Variants in RPS6KB1 observed in about 807,000 individuals in gnomAD.
RPS6KB1 encodes ribosomal protein S6 kinase beta-1.
RPS6KB1 carries 12 observed loss-of-function variants against 70.2 expected under a neutral mutation model. The observed-to-expected ratio is 0.17, with a 90% confidence interval of 0.11 to 0.28. RPS6KB1 has a LOEUF of 0.28. Among genes scored for constraint, RPS6KB1 ranks in the 10% least tolerant of loss-of-function variants. The pLI, the probability that RPS6KB1 is intolerant of heterozygous loss-of-function variation, is 1.00. For missense variants in RPS6KB1, 270 were observed against 646.6 expected, an observed-to-expected ratio of 0.42 and a Z score of 6.32; for synonymous variants, 175 against 211.2, an observed-to-expected ratio of 0.83 and a Z score of 1.49.
At chr17:59,928,530 A>G (rs2043757288) in intron 5 of RPS6KB1, among the ~76,000 whole-genome samples, 1 of 151,920 alleles carries the variant, frequency 6.6e-6, no homozygotes, top group African/African-American at 2.4e-5. Flanking sequence ...TTGTATTTTT[A>G]GTAGAAATGG....
intron 13 of RPS6KB1, among the ~76,000 whole-genome samples, chr17:59,943,664 G>T (rs1425733399): frequency 6.6e-6 from 1 of 151,792 alleles, no homozygotes; most frequent in Non-Finnish European, 1.5e-5. Context: ...GGATCACAAG[G>T]TCAGGAGTTC....
chr17:59,920,500 T>C (rs932783498), intron 4 of RPS6KB1, among the ~76,000 whole-genome samples: 4 of 152,230 alleles, frequency 2.6e-5, no homozygotes, highest in Non-Finnish European at 5.9e-5. Flanking sequence ...ATTTTATTGG[T>C]AATTGTCTTT....
chr17:59,900,126 T>C (rs939683959), intron 1 of RPS6KB1, among the ~76,000 whole-genome samples: 18 of 149,216 alleles, frequency 1.2e-4, no homozygotes, highest in Admixed American at 1.4e-4. Context: ...TGAGCTATTA[T>C]CCTACTACAG....
chr17:59,942,094 A>G (rs1003198350), intron 13 of RPS6KB1, among the ~76,000 whole-genome samples: 12 of 150,874 alleles, frequency 8.0e-5, no homozygotes, highest in Admixed American at 2.6e-4. Flanking sequence ...TCCTGACCTC[A>G]TGATCCGCCC....
rs1257927088 is a variant in RPS6KB1 at position 59,946,103 on chromosome 17, G to A, written c.1341-448G>A. ...AATAGGAGGTATAAGAATGTTGCAGGCAGAAGAACAGCAAATGCAAAAACC... is the reference window on the plus strand; with the variant it reads ...AATAGGAGGTATAAGAATGTTGCAGACAGAAGAACAGCAAATGCAAAAACC... On this transcript the variant is annotated intron_variant, in intron 14 of 14. Coordinates refer to ENST00000225577, the MANE Select transcript of RPS6KB1 (RefSeq NM_003161.4). This position sits in a 1 kb window ranked among gnomAD's most constrained non-coding sequence, Gnocchi z 4.2. 6.6e-6 allele frequency among the ~76,000 whole-genome samples: 1 copy of A among 152,104 alleles called. No homozygotes were observed. The highest frequency in any genetic ancestry group is 1.5e-5 in the Non-Finnish European group (1 of 68,032).
chr17:59,893,210 G>A lies in RPS6KB1; in HGVS notation c.26G>A (p.Gly9Asp). The A allele has an allele frequency of 6.2e-7, 1 of 1,608,760 alleles. No individual in the cohort carries two copies. The highest frequency in any genetic ancestry group is 1.1e-5 in the South Asian group (1 of 90,018). ...ATGAGGCGACGAAGGAGGCGGGACG[G>A]CTTTTACCCAGCCCCGGACTTCCGA... is the stretch of plus-strand genomic sequence containing the variant. MRRRRRRD[G>D]FYPAPDFRDR... The change falls in exon 1 of 15, where the codon GGC becomes GAC. Residue 9 changes from glycine to aspartate, a missense_variant. Coordinates refer to ENST00000225577, the MANE Select transcript of RPS6KB1 (RefSeq NM_003161.4). This position sits in a 1 kb window ranked among gnomAD's most constrained non-coding sequence, Gnocchi z 4.1.
chr17:59,945,248 G>A, intron 13 of RPS6KB1, 158 bp from the exon 14 acceptor site: 1 of 502,346 alleles, frequency 2.0e-6, no homozygotes, highest in Non-Finnish European at 3.6e-6. Flanking sequence ...CTGGAAAGAA[G>A]TTAACGGGTC....
chr17:59,936,363 T>A, intron 11 of RPS6KB1, 86 bp downstream of exon 11: 1 of 1,502,790 alleles, frequency 6.7e-7, no homozygotes, highest in Non-Finnish European at 9.2e-7. Flanking sequence ...TGCTTATAAG[T>A]TTAGCTTATT....
At position 59,893,894 on chromosome 17, in the gene RPS6KB1, G is replaced by C. The variant is rs2041319534; in HGVS notation, c.141+569G>C. Reference sequence around the variant, plus strand: ...CCAGGAGTTTTATTTCGGGAGCAAGGGGGCTCTGCTGCATCTTCCAATCTT... The same window carrying C: ...CCAGGAGTTTTATTTCGGGAGCAAGCGGGCTCTGCTGCATCTTCCAATCTT... On this transcript the variant is annotated intron_variant, in intron 1 of 14. Coordinates refer to ENST00000225577, the MANE Select transcript of RPS6KB1 (RefSeq NM_003161.4). The surrounding 1 kb of genome is among the most constrained non-coding windows in gnomAD (Gnocchi z 4.1). The C allele has an allele frequency of 1.0e-6, 1 of 985,214 alleles. No individual in the cohort carries two copies. The highest frequency in any genetic ancestry group is 1.2e-6 in the Non-Finnish European group (1 of 829,964). The allele number at this position is 985,214 out of a possible 1,614,324, so 61.0% of individuals were successfully genotyped here.
At position 59,936,291 on chromosome 17, in the gene RPS6KB1, TC is replaced by T. The variant is rs2044237599; in HGVS notation, c.1041+15del. ...GGAGAAGTTCAAGTAGGGATTGGCATCTTTGGTGTTTTGTGGGGAAGATAAT... is the reference window on the plus strand; with the variant it reads ...GGAGAAGTTCAAGTAGGGATTGGCATTTTGGTGTTTTGTGGGGAAGATAAT... On this transcript the variant is annotated intron_variant, in intron 11 of 14. Coordinates refer to ENST00000225577, the MANE Select transcript of RPS6KB1 (RefSeq NM_003161.4). 6.3e-7 allele frequency: 1 copy of T among 1,590,022 alleles called. No homozygotes were observed. The highest frequency in any genetic ancestry group is 1.4e-5 in the African/African-American group (1 of 73,196).
rs1170763937 is a variant in RPS6KB1, at chr17:59,947,277, C to T, written c.*489C>T. The T allele has an allele frequency of 1.7e-5, 17 of 1,010,176 alleles. No homozygotes were observed. Among genetic ancestry groups the T allele is most frequent in the South Asian group, 9.3e-5 (2 of 21,520 alleles). The allele number at this position is 1,010,176 out of a possible 1,614,324, so 62.6% of individuals were successfully genotyped here. Reference sequence around the variant, plus strand: ...AAGAAACTTACCAATTGATGTTTTACGTGCAAACAACCTGAATCTTTTTTT... The same window carrying T: ...AAGAAACTTACCAATTGATGTTTTATGTGCAAACAACCTGAATCTTTTTTT... On this transcript the variant is annotated 3_prime_UTR_variant, in exon 15 of 15. Coordinates refer to ENST00000225577, the MANE Select transcript of RPS6KB1 (RefSeq NM_003161.4).
At chr17:59,915,798 TTA>T (rs1415688772) in intron 4 of RPS6KB1, among the ~76,000 whole-genome samples, 9 of 141,510 alleles carry the variant, frequency 6.4e-5, no homozygotes, top group African/African-American at 7.9e-5. Context: ...TTTTTTTTTT[TTA>T]TTGTGACAGA....
chr17:59,900,070 G>A (rs142624519), intron 1 of RPS6KB1, among the ~76,000 whole-genome samples: 4 of 151,966 alleles, frequency 2.6e-5, no homozygotes, highest in African/African-American at 7.2e-5. Flanking sequence ...TGACTCCAGA[G>A]GCTGAGAAGA....
intron 4 of RPS6KB1, among the ~76,000 whole-genome samples, chr17:59,915,030 C>G (rs1378535319): frequency 6.6e-6 from 1 of 151,716 alleles, no homozygotes; most frequent in African/African-American, 2.4e-5. Flanking sequence ...GCTCTGTCGC[C>G]CAGGCTGGAG....
chr17:59,943,594 A>T (rs923217577), intron 13 of RPS6KB1, among the ~76,000 whole-genome samples: 7 of 152,076 alleles, frequency 4.6e-5, no homozygotes, highest in African/African-American at 1.7e-4. Context: ...ATAAAAAAAA[A>T]TAGGTCAGGT....
intron 13 of RPS6KB1, among the ~76,000 whole-genome samples, chr17:59,944,930 C>T (rs1400865475): frequency 6.6e-6 from 1 of 151,802 alleles, no homozygotes; most frequent in African/African-American, 2.4e-5. Flanking sequence ...TCCCGAGTAG[C>T]TGGGATTACA....
chr17:59,938,857 A>G (rs2044412058), intron 12 of RPS6KB1, among the ~76,000 whole-genome samples: 1 of 151,984 alleles, frequency 6.6e-6, no homozygotes, highest in African/African-American at 2.4e-5. Context: ...AGGGAATGCT[A>G]TAGGTACCTT....
At chr17:59,901,477 A>G (rs2041940548) in intron 1 of RPS6KB1, among the ~76,000 whole-genome samples, 1 of 150,664 alleles carries the variant, frequency 6.6e-6, no homozygotes, top group African/African-American at 2.4e-5. Flanking sequence ...AAAAAAAAGG[A>G]AATTTTTATC....
chr17:59,917,532 G>A (rs1422925967), intron 4 of RPS6KB1, among the ~76,000 whole-genome samples: 1 of 152,056 alleles, frequency 6.6e-6, no homozygotes, highest in Non-Finnish European at 1.5e-5. Context: ...GTAACTCCTG[G>A]GCTCAAGCGA....
Sources: allele counts gnomAD v4.1 joint callset (sites outside exome capture counted in the v4.1 genomes callset), GRCh38; gene constraint gnomAD v4.1.1; non-coding constraint Gnocchi (gnomAD v3.1); transcripts MANE v1.5; gene names NCBI Gene and HGNC (gene_info 2026-07-23, HGNC 2026-07-21).